Variants in HIP1 observed in about 807,000 individuals in gnomAD.
HIP1 encodes huntingtin interacting protein 1.
Under a neutral mutation model 147.6 loss-of-function variants are expected in HIP1, and 65 were observed. The observed-to-expected ratio is 0.44, with a 90% CI of 0.36 to 0.54. HIP1 has a LOEUF of 0.54. Among genes scored for constraint, HIP1 ranks in the 20% least tolerant of loss-of-function variants. The probability of loss-of-function intolerance (pLI) is 0.00; values close to 1 mark genes in which losing one functional copy is unlikely to be tolerated. For synonymous variants in HIP1, 479 were observed against 504.0 expected (o/e 0.95, Z 0.67); for missense variants, 1,061 against 1,299.6 (o/e 0.82, Z 2.82).
intron 1 of HIP1, among the ~76,000 whole-genome samples, chr7:75,721,912 A>C (rs545647167): frequency 6.6e-5 from 10 of 152,326 alleles, no homozygotes; most frequent in Admixed American, 2.0e-4. Context: ...AGGACAGCAA[A>C]GCTAGCCTAA....
chr7:75,596,208 C>T (rs587703694), intron 2 of HIP1, among the ~76,000 whole-genome samples: 2 of 129,302 alleles, frequency 1.5e-5, no homozygotes, highest in South Asian at 4.8e-4. Flanking sequence ...TGCACTCCAG[C>T]CTGGGTGACA....
intron 1 of HIP1, among the ~76,000 whole-genome samples, chr7:75,628,952 C>A (rs1232757176): frequency 1.3e-5 from 2 of 152,114 alleles, no homozygotes; most frequent in African/African-American, 4.8e-5. Context: ...TTAGAAACAT[C>A]CCTACCCAGC....
intron 1 of HIP1, among the ~76,000 whole-genome samples, chr7:75,669,998 G>A (rs1473185913): frequency 6.6e-6 from 1 of 151,968 alleles, no homozygotes; most frequent in Non-Finnish European, 1.5e-5. Flanking sequence ...ACGGGGTTTC[G>A]TCATGTTGGC....
chr7:75,737,616 G>C (rs1409219410), intron 1 of HIP1, among the ~76,000 whole-genome samples: 1 of 152,210 alleles, frequency 6.6e-6, no homozygotes, highest in Non-Finnish European at 1.5e-5. Context: ...AAAGTGCTGG[G>C]ATTACAGGTG....
At chr7:75,539,223 C>T in intron 30 of HIP1, 100 bp downstream of exon 30, 1 of 772,540 alleles carries the variant, frequency 1.3e-6, no homozygotes, top group East Asian at 2.5e-5. Flanking sequence ...AGCCACCGAT[C>T]TGGTGGGTTC....
intron 1 of HIP1, chr7:75,625,771 T>C (rs1302062743): frequency 1.3e-5 from 2 of 152,096 alleles, no homozygotes; most frequent in Non-Finnish European, 2.9e-5. Flanking sequence ...CAAATGCCCT[T>C]ATAAAAGAGG....
intron 1 of HIP1, among the ~76,000 whole-genome samples, chr7:75,667,003 T>C (rs1799584750): frequency 6.6e-6 from 1 of 152,134 alleles, no homozygotes; most frequent in Non-Finnish European, 1.5e-5. Context: ...TATATGTGTA[T>C]ATATATTTAT....
At chr7:75,665,699 C>T (rs1019781936) in intron 1 of HIP1, among the ~76,000 whole-genome samples, 1 of 152,070 alleles carries the variant, frequency 6.6e-6, no homozygotes. Flanking sequence ...CATCACCATG[C>T]CTGGCTAATT....
intron 7 of HIP1, among the ~76,000 whole-genome samples, chr7:75,578,877 G>T (rs1554498143): frequency 6.6e-6 from 1 of 151,658 alleles, no homozygotes; most frequent in Non-Finnish European, 1.5e-5. Flanking sequence ...GTGCAGTGGT[G>T]TGATGTTGGC....
chr7:75,622,198 AC>A (rs1316820584), intron 1 of HIP1, among the ~76,000 whole-genome samples: 1 of 151,548 alleles, frequency 6.6e-6, no homozygotes, highest in Non-Finnish European at 1.5e-5. Flanking sequence ...AATTGCTTGA[AC>A]TCAGGAGGTG....
In HIP1 at chr7:75,567,171, GT is replaced by G. The variant is rs1276477822; in HGVS notation, c.803+1027del. Among the ~76,000 whole-genome samples, 38 of 138,702 alleles carry G rather than the reference GT, an allele frequency of 2.7e-4. 1 individual carries two copies. The highest frequency in any genetic ancestry group is 6.1e-4 in the East Asian group (3 of 4,894). 91.0% of individuals were successfully genotyped at this position (138,702 alleles called of 152,430 possible). A position where few individuals can be genotyped will look rare whatever the true frequency, so the allele number is the denominator to read the frequency against. ...AATGGAGAGAGAAAGGTTTTTTTTT[GT>G]TTTTTTTTTTTGAGAAAACCTAAAG... On this transcript the variant is annotated intron_variant, in intron 9 of 30. Transcript: ENST00000336926.
chr7:75,635,896 G>A (rs1160835023), intron 1 of HIP1, among the ~76,000 whole-genome samples: 4 of 151,194 alleles, frequency 2.6e-5, no homozygotes, highest in Admixed American at 6.6e-5. Flanking sequence ...AGTGGTGTGC[G>A]CCTGTAATCC....
intron 7 of HIP1, among the ~76,000 whole-genome samples, chr7:75,577,993 C>T (rs1795904912): frequency 6.6e-6 from 1 of 152,126 alleles, no homozygotes; most frequent in South Asian, 2.1e-4. Flanking sequence ...GAGCGAGACT[C>T]TCTCAAAACA....
At chr7:75,620,422 C>G (rs371657602) in intron 1 of HIP1, among the ~76,000 whole-genome samples, 1 of 150,358 alleles carries the variant, frequency 6.7e-6, no homozygotes, top group Non-Finnish European at 1.5e-5. Context: ...CACAATGGCT[C>G]ATGCCTGTAA....
chr7:75,706,476 T>TTA (rs1554519730), intron 1 of HIP1, among the ~76,000 whole-genome samples: 1 of 148,274 alleles, frequency 6.7e-6, no homozygotes, highest in Admixed American at 6.7e-5. Context: ...ATATCTTCTT[T>TTA]TTTTTTATTT....
At chr7:75,703,353 T>TA (rs377684666) in intron 1 of HIP1, among the ~76,000 whole-genome samples, 53 of 148,956 alleles carry the variant, frequency 3.6e-4, no homozygotes, top group African/African-American at 1.0e-3. Context: ...GTCTCAAAAA[T>TA]AAAAAAAAGC....
intron 1 of HIP1, among the ~76,000 whole-genome samples, chr7:75,673,820 C>CAA (rs71098060): frequency 1.9e-5 from 2 of 104,352 alleles, no homozygotes; most frequent in Non-Finnish European, 1.9e-5. Context: ...CCTATCTCTA[C>CAA]AAAAAAAAAA....
At chr7:75,580,118 G>A (rs188610641) in intron 7 of HIP1, among the ~76,000 whole-genome samples, 144 of 152,338 alleles carry the variant, frequency 9.5e-4, no homozygotes, top group Non-Finnish European at 1.1e-3. Context: ...AGTGGAACAG[G>A]ACTGTGTGAG....
intron 7 of HIP1, among the ~76,000 whole-genome samples, chr7:75,575,231 C>T (rs782454225): frequency 1.5e-4 from 23 of 151,666 alleles, no homozygotes; most frequent in Admixed American, 2.6e-4. Context: ...GAGGCCGAGG[C>T]GGGTGGATCG....
Sources: gnomAD v4.1 joint callset for allele counts (sites outside exome capture counted in the v4.1 genomes callset) on GRCh38, gnomAD v4.1.1 for gene constraint, MANE v1.5 for transcripts, NCBI Gene and HGNC (gene_info 2026-07-23, HGNC 2026-07-21) for gene names.